Variants in DCC observed in about 807,000 individuals in gnomAD.
DCC encodes the protein DCC netrin 1 receptor, also known as netrin receptor DCC.
DCC carries 58 observed loss-of-function variants against 172.5 expected under a neutral mutation model. The observed-to-expected ratio is 0.34, with a 90% confidence interval of 0.27 to 0.42. The LOEUF (loss-of-function observed/expected upper bound fraction) is 0.42. DCC is among the 10% of genes least tolerant of loss of function. The pLI is 1.00. For synonymous variants in DCC, 709 were observed against 644.5 expected, an observed-to-expected ratio of 1.10 and a Z score of -1.52; for missense variants, 1,740 against 1,791.0, an observed-to-expected ratio of 0.97 and a Z score of 0.51.
chr18:52,932,333 T>C (rs1460337004), intron 5 of DCC, among the ~76,000 whole-genome samples: 1 of 152,116 alleles, frequency 6.6e-6, no homozygotes, highest in African/African-American at 2.4e-5. Flanking sequence ...CAGTCCTCCA[T>C]AAATGTTCTA....
chr18:52,952,433 G>A (rs1349628073), intron 5 of DCC, among the ~76,000 whole-genome samples: 1 of 152,134 alleles, frequency 6.6e-6, no homozygotes, highest in Non-Finnish European at 1.5e-5. Flanking sequence ...TGTGTGGAGG[G>A]AGAAGACCCC....
At chr18:52,947,948 C>T (rs1207633303) in intron 5 of DCC, among the ~76,000 whole-genome samples, 2 of 152,162 alleles carry the variant, frequency 1.3e-5, no homozygotes, top group Middle Eastern at 3.2e-3. Context: ...ACCTGAAAGA[C>T]AAGCGTCCAC....
intron 1 of DCC, among the ~76,000 whole-genome samples, chr18:52,655,988 ATATATATATGTGCG>A (rs2035237446): frequency 8.5e-5 from 10 of 117,048 alleles, no homozygotes; most frequent in South Asian, 6.0e-4. Context: ...GTGTGTGTGT[ATATATATATGTGCG>A]TATATATATA....
chr18:52,468,904 A>G (rs1442705825), intron 1 of DCC, among the ~76,000 whole-genome samples: 1 of 152,198 alleles, frequency 6.6e-6, no homozygotes, highest in Non-Finnish European at 1.5e-5. Flanking sequence ...TAGACATACA[A>G]CCACAAGTAG....
chr18:52,737,170 C>T (rs182112485), intron 1 of DCC, among the ~76,000 whole-genome samples: 5 of 151,840 alleles, frequency 3.3e-5, no homozygotes, highest in South Asian at 2.1e-4. Context: ...ATATTAGAGA[C>T]GACGTGAAAG....
At chr18:53,265,323 A>G (rs2056660654) in intron 12 of DCC, among the ~76,000 whole-genome samples, 1 of 152,186 alleles carries the variant, frequency 6.6e-6, no homozygotes, top group Non-Finnish European at 1.5e-5. Flanking sequence ...TAGAGGAGAA[A>G]AGGTAAACTT....
intron 3 of DCC, among the ~76,000 whole-genome samples, chr18:52,918,512 G>C (rs1380503070): frequency 6.6e-6 from 1 of 151,924 alleles, no homozygotes; most frequent in Non-Finnish European, 1.5e-5. Flanking sequence ...TTTGCTCCTG[G>C]TACAATTTCT....
rs142938898 is a variant in DCC, at chr18:52,484,911, T to C, written c.91+144033T>C. ...GTTTCTACCTAAGTGCCTAAAACTT[T>C]TGTTGTCTGATTGATATTTTTCTGG... On this transcript the variant is annotated intron_variant, in intron 1 of 28. Transcript: ENST00000442544. 4.5e-3 allele frequency among the ~76,000 whole-genome samples: 690 copies of C among 152,230 alleles called. 7 individuals are homozygous for C. Among genetic ancestry groups the C allele is most frequent in the African/African-American group, 0.016 (668 of 41,562 alleles).
chr18:52,452,968 T>G (rs1031043582), intron 1 of DCC, among the ~76,000 whole-genome samples: 1 of 152,236 alleles, frequency 6.6e-6, no homozygotes, highest in Non-Finnish European at 1.5e-5. Flanking sequence ...ATTAGCATTT[T>G]GAAATAAACA....
At chr18:52,783,321 C>CTGTTTT (rs1568100450) in intron 2 of DCC, among the ~76,000 whole-genome samples, 3 of 62,146 alleles carry the variant, frequency 4.8e-5, no homozygotes, top group African/African-American at 1.9e-4. Flanking sequence ...TATACTACTA[C>CTGTTTT]TCTTTTTTTT....
At chr18:53,409,528 C>T (rs538998243) in intron 19 of DCC, among the ~76,000 whole-genome samples, 14 of 152,212 alleles carry the variant, frequency 9.2e-5, no homozygotes, top group African/African-American at 2.6e-4. Flanking sequence ...AGCGCCTTTA[C>T]GGTGTTATCT....
chr18:52,845,791 G>T (rs932143418), intron 2 of DCC, among the ~76,000 whole-genome samples: 1 of 152,206 alleles, frequency 6.6e-6, no homozygotes, highest in Non-Finnish European at 1.5e-5. Context: ...ACTGAACAAG[G>T]TTTAGAAAGC....
chr18:52,849,091 C>G (rs2038936529), intron 2 of DCC, among the ~76,000 whole-genome samples: 1 of 150,304 alleles, frequency 6.7e-6, no homozygotes, highest in African/African-American at 2.5e-5. Flanking sequence ...TTTCAACCTA[C>G]TCTGTGTGTG....
intron 1 of DCC, among the ~76,000 whole-genome samples, chr18:52,744,190 AC>A (rs1350729767): frequency 2.0e-5 from 3 of 152,200 alleles, no homozygotes; most frequent in Non-Finnish European, 4.4e-5. Context: ...AGTATTTAGG[AC>A]ATGTTTATAC....
intron 1 of DCC, among the ~76,000 whole-genome samples, chr18:52,705,456 A>C (rs189216299): frequency 2.7e-4 from 41 of 152,314 alleles, no homozygotes; most frequent in Admixed American, 2.5e-3. Flanking sequence ...ACCTCTGGCT[A>C]TTAGATTTCT....
intron 19 of DCC, among the ~76,000 whole-genome samples, chr18:53,406,262 C>T (rs1177521875): frequency 6.6e-6 from 1 of 152,092 alleles, no homozygotes. Flanking sequence ...CACTTTTCTT[C>T]CCACCACCAG....
At chr18:52,834,882 A>G (rs1429332796) in intron 2 of DCC, among the ~76,000 whole-genome samples, 4 of 150,484 alleles carry the variant, frequency 2.7e-5, no homozygotes, top group Admixed American at 6.7e-5. Context: ...ATTAACTACT[A>G]TATGTGTTTA....
At position 52,693,906 on chromosome 18, in the gene DCC, A is replaced by C. The variant is rs147427655; in HGVS notation, c.92-58148A>C. ...TGAATAAATGAACAAATGGGGAAGA[A>C]GTCATAAATCTTTCTTATAGATATA... On this transcript the variant is annotated intron_variant, in intron 1 of 28. Coordinates refer to ENST00000442544, the MANE Select transcript of DCC (RefSeq NM_005215.4). 5.5e-3 allele frequency among the ~76,000 whole-genome samples: 842 copies of C among 152,278 alleles called. 10 individuals are homozygous for C. Among genetic ancestry groups the C allele is most frequent in the African/African-American group, 0.019 (793 of 41,576 alleles).
intron 2 of DCC, among the ~76,000 whole-genome samples, chr18:52,895,785 G>T (rs2145429191): frequency 6.6e-6 from 1 of 152,128 alleles, no homozygotes; most frequent in Admixed American, 6.6e-5. Context: ...GAGTTAAATT[G>T]GTTTTTTTGT....
Sources: gnomAD v4.1 joint callset for allele counts (sites outside exome capture counted in the v4.1 genomes callset) on GRCh38, gnomAD v4.1.1 for gene constraint, MANE v1.5 for transcripts, NCBI Gene and HGNC (gene_info 2026-07-23, HGNC 2026-07-21) for gene names.